Variants in EPS15 observed in about 807,000 individuals in gnomAD.
EPS15 encodes epidermal growth factor receptor substrate 15.
A neutral mutation model predicts 113.8 loss-of-function variants in EPS15; 72 were observed. That is an observed-to-expected ratio of 0.63 (90% confidence interval 0.52 to 0.77). EPS15 has a LOEUF of 0.77. Among genes scored for constraint, EPS15 ranks in the 30% least tolerant of loss-of-function variants. EPS15 has a pLI of 0.00. For missense variants in EPS15, 1,048 were observed against 1,045.8 expected (o/e 1.00, Z -0.03); for synonymous variants, 344 against 363.4 (o/e 0.95, Z 0.61).
At chr1:51,452,011 A>G (rs1046566494) in intron 8 of EPS15, among the ~76,000 whole-genome samples, 5 of 151,628 alleles carry the variant, frequency 3.3e-5, no homozygotes, top group Non-Finnish European at 5.9e-5. Context: ...TCTCCCAAGT[A>G]GCTGGGTCTA....
intron 1 of EPS15, chr1:51,490,333 A>G (rs980052090): frequency 9.1e-6 from 4 of 441,076 alleles, no homozygotes; most frequent in African/African-American, 8.2e-5. Context: ...TGGGCGGCCA[A>G]AGCGGGCAAA....
intron 12 of EPS15, among the ~76,000 whole-genome samples, chr1:51,429,189 G>A (rs1651487555): frequency 6.6e-6 from 1 of 152,086 alleles, no homozygotes; most frequent in African/African-American, 2.4e-5. Flanking sequence ...GTTTTGTATG[G>A]GACTGAAGTA....
At chr1:51,382,325 A>C (rs1251493774) in intron 21 of EPS15, 1 of 152,162 alleles carries the variant, frequency 6.6e-6, no homozygotes, top group African/African-American at 2.4e-5. Flanking sequence ...CTTTAGCAGC[A>C]CATATACTAA....
intron 17 of EPS15, among the ~76,000 whole-genome samples, 196 bp from the exon 18 acceptor site, chr1:51,402,721 G>C (rs1166088693): frequency 6.6e-6 from 1 of 152,088 alleles, no homozygotes; most frequent in African/African-American, 2.4e-5. Context: ...TCAAGAGATA[G>C]AGACCATCCT....
chr1:51,513,714 A>T (rs1282747247), intron 1 of EPS15, among the ~76,000 whole-genome samples: 1 of 152,200 alleles, frequency 6.6e-6, no homozygotes, highest in East Asian at 1.9e-4. Flanking sequence ...AATGATGATA[A>T]TAATAGCTTA....
chr1:51,456,903 G>A (rs1206625225), intron 8 of EPS15, among the ~76,000 whole-genome samples: 1 of 152,052 alleles, frequency 6.6e-6, no homozygotes, highest in Non-Finnish European at 1.5e-5. Context: ...AAAACTGGAA[G>A]AAAAATACCA....
At chr1:51,365,611 C>T (rs71651190) in intron 22 of EPS15, among the ~76,000 whole-genome samples, 1 of 152,074 alleles carries the variant, frequency 6.6e-6, no homozygotes, top group African/African-American at 2.4e-5. Context: ...GAAATAAAAA[C>T]CCAGATTTTA....
intron 11 of EPS15, among the ~76,000 whole-genome samples, 191 bp downstream of exon 11, chr1:51,444,698 C>T (rs1221334393): frequency 1.3e-5 from 2 of 152,166 alleles, no homozygotes; most frequent in Admixed American, 6.5e-5. Flanking sequence ...GGTAAACAAG[C>T]TACTGGCCAA....
Position 51,519,253 on chromosome 1 carries a change from A to T in EPS15, c.-22T>A. ...CCATGGTGTTTCCATCATGCAAGGG[A>T]GGGGAAGGAAGACGGGCTGACTGGG... On this transcript the variant is annotated 5_prime_UTR_variant, in exon 1 of 25. Transcript: ENST00000371733. The T allele has an allele frequency of 9.4e-7, 1 of 1,066,266 alleles. No individual in the cohort carries two copies. Among genetic ancestry groups the T allele is most frequent in the Non-Finnish European group, 1.2e-6 (1 of 865,168 alleles). 66.1% of individuals were successfully genotyped at this position (1,066,266 alleles called of 1,614,324 possible).
At chr1:51,408,045 G>A in intron 15 of EPS15, 90 bp downstream of exon 15, 1 of 1,086,350 alleles carries the variant, frequency 9.2e-7, no homozygotes. Flanking sequence ...AACTAGGCAA[G>A]AGGTTGAAGG....
chr1:51,416,404 G>C (rs947959589), intron 13 of EPS15, among the ~76,000 whole-genome samples: 3 of 152,090 alleles, frequency 2.0e-5, no homozygotes, highest in Non-Finnish European at 4.4e-5. Context: ...AGGATGAAGT[G>C]AACAAAACTA....
chr1:51,469,174 TAA>T (rs1169051290), intron 4 of EPS15, among the ~76,000 whole-genome samples: 3 of 149,898 alleles, frequency 2.0e-5, no homozygotes, highest in Non-Finnish European at 4.4e-5. Context: ...TTAATGATAT[TAA>T]GAGATGTATT....
chr1:51,372,399 A>G (rs1557774765), intron 21 of EPS15: 1 of 536,172 alleles, frequency 1.9e-6, no homozygotes, highest in South Asian at 1.4e-5. Flanking sequence ...ATGGCAGACA[A>G]AAGTACTTGA....
chr1:51,470,133 G>C (rs1002995480), intron 4 of EPS15, among the ~76,000 whole-genome samples: 4 of 152,276 alleles, frequency 2.6e-5, no homozygotes, highest in Admixed American at 6.5e-5. Context: ...GGGCTATGAA[G>C]TGAAATAATT....
chr1:51,365,780 A>ATATGTCTAC (rs1322300015), intron 22 of EPS15, among the ~76,000 whole-genome samples, 173 bp downstream of exon 22: 1 of 152,096 alleles, frequency 6.6e-6, no homozygotes, highest in East Asian at 1.9e-4. Context: ...ATATAAAGAA[A>ATATGTCTAC]TATGTCTACT....
At chr1:51,446,577 C>A (rs1394248653) in intron 10 of EPS15, among the ~76,000 whole-genome samples, 1 of 151,968 alleles carries the variant, frequency 6.6e-6, no homozygotes, top group African/African-American at 2.4e-5. Flanking sequence ...CCTCACCCTC[C>A]CGAGTAGCTG....
At chr1:51,508,239 A>AAAAG (rs1553139455) in intron 1 of EPS15, among the ~76,000 whole-genome samples, 1 of 72,716 alleles carries the variant, frequency 1.4e-5, no homozygotes, top group African/African-American at 6.0e-5. Flanking sequence ...AAAAGAAAAG[A>AAAAG]AAGAGAGAAA....
intron 1 of EPS15, among the ~76,000 whole-genome samples, chr1:51,508,361 AAAGAAAG>A (rs905918720): frequency 6.6e-6 from 1 of 150,874 alleles, no homozygotes; most frequent in African/African-American, 2.4e-5. Flanking sequence ...AGAAAGAAAG[AAAGAAAG>A]AAAGAAAGAA....
At chr1:51,373,128 A>G in intron 21 of EPS15, 1 of 170,220 alleles carries the variant, frequency 5.9e-6, no homozygotes. Context: ...AAGGGCAGGA[A>G]ACAGAAGGGA....
Sources: allele counts gnomAD v4.1 joint callset (sites outside exome capture counted in the v4.1 genomes callset), GRCh38; gene constraint gnomAD v4.1.1; transcripts MANE v1.5; gene names NCBI Gene and HGNC (gene_info 2026-07-23, HGNC 2026-07-21).